Variants in NDUFA8 observed in about 807,000 individuals in gnomAD.
NDUFA8 encodes the protein NADH:ubiquinone oxidoreductase subunit A8.
NDUFA8 carries 16 observed loss-of-function variants against 20.9 expected under a neutral mutation model. The ratio of observed to expected loss-of-function variants is 0.77; its 90% CI spans 0.52 to 1.16. The LOEUF is 1.16. Ranked by LOEUF, NDUFA8 falls within the 50% of genes most tolerant of loss-of-function variation. The pLI is 0.00. For synonymous variants in NDUFA8, 70 were observed against 76.1 expected, an observed-to-expected ratio of 0.92 and a Z score of 0.41; for missense variants, 202 against 216.4, an observed-to-expected ratio of 0.93 and a Z score of 0.42.
At chr9:122,141,380 G>A (rs1303490083), downstream of NDUFA8, among the ~76,000 whole-genome samples, 1 of 152,162 alleles carries the variant, frequency 6.6e-6, no homozygotes, top group Admixed American at 6.5e-5. Flanking sequence ...AATAATCCAG[G>A]CAAGGGGAAC....
Position 122,144,196 on chromosome 9 carries a change from G to A in NDUFA8, c.*45C>T. The A allele has an allele frequency of 6.2e-7, 1 of 1,612,590 alleles. No homozygotes were observed. Among genetic ancestry groups the A allele is most frequent in the Non-Finnish European group, 8.5e-7 (1 of 1,179,938 alleles). On this transcript the variant is annotated 3_prime_UTR_variant, in exon 4 of 4. Transcript: ENST00000373768. ...GCAAACCGCATGGGCGTTTTCATCA[G>A]TCGTTGTCTGAGCACATGACCGAGT... is the stretch of plus-strand genomic sequence containing the variant.
At chr9:122,133,903 A>AC in the NDUFA8 span, among the ~76,000 whole-genome samples, 2 of 152,084 alleles carry the variant, frequency 1.3e-5, no homozygotes, top group African/African-American at 4.8e-5. Context: ...GCCTGGTCCT[A>AC]CCCCATCCCT....
At chr9:122,149,674 T>C (rs1182898315) in intron 2 of NDUFA8, among the ~76,000 whole-genome samples, 1 of 152,206 alleles carries the variant, frequency 6.6e-6, no homozygotes, top group Non-Finnish European at 1.5e-5. Context: ...AAAAATTGTT[T>C]AGGCTGGATG....
At chr9:122,135,248 G>A in the NDUFA8 span, among the ~76,000 whole-genome samples, 29,193 of 152,196 alleles carry the variant, frequency 0.19, 4,877 homozygotes, top group African/African-American at 0.46. Flanking sequence ...GTTGGTGCAA[G>A]GCAATGTATA....
At chr9:122,141,524 GTTAT>G (rs376116265), downstream of NDUFA8, among the ~76,000 whole-genome samples, 8 of 152,306 alleles carry the variant, frequency 5.3e-5, no homozygotes, top group Admixed American at 2.0e-4. Flanking sequence ...TGCATCTCAG[GTTAT>G]TTGACACTGG....
intron 1 of NDUFA8, 57 bp downstream of exon 1, chr9:122,159,570 C>A (rs1829147293): frequency 6.2e-7 from 1 of 1,607,136 alleles, no homozygotes; most frequent in Non-Finnish European, 8.5e-7. Context: ...GGGCTAGGCC[C>A]AGGCCCGAGA....
At chr9:122,159,236 T>C (rs919011423) in intron 1 of NDUFA8, among the ~76,000 whole-genome samples, 1 of 152,120 alleles carries the variant, frequency 6.6e-6, no homozygotes, top group Non-Finnish European at 1.5e-5. Context: ...CACTTTAAGG[T>C]AGATGACCGT....
intron 1 of NDUFA8, among the ~76,000 whole-genome samples, chr9:122,155,655 C>T (rs1829067022): frequency 6.6e-6 from 1 of 152,134 alleles, no homozygotes; most frequent in African/African-American, 2.4e-5. Flanking sequence ...CACACATTTG[C>T]TTGTTTTATT....
chr9:122,146,264 C>T (rs1437461234), intron 3 of NDUFA8, among the ~76,000 whole-genome samples: 1 of 152,006 alleles, frequency 6.6e-6, no homozygotes, highest in African/African-American at 2.4e-5. Context: ...GGCACCTGAT[C>T]GAGAAATACA....
downstream of NDUFA8, among the ~76,000 whole-genome samples, chr9:122,140,544 A>G (rs1828804517): frequency 6.6e-6 from 1 of 152,216 alleles, no homozygotes; most frequent in South Asian, 2.1e-4. Flanking sequence ...CTGGAAAGGT[A>G]AACTTCGTGT....
At chr9:122,136,553 T>C in the NDUFA8 span, among the ~76,000 whole-genome samples, 1 of 151,574 alleles carries the variant, frequency 6.6e-6, no homozygotes, top group Non-Finnish European at 1.5e-5. Context: ...TTCATAGCGT[T>C]CGTAGATTTT....
In NDUFA8 at chr9:122,155,359, G is replaced by A. The variant is rs150197140; in HGVS notation, c.52-2951C>T. Among the ~76,000 whole-genome samples the A allele has an allele frequency of 3.4e-3, 522 of 152,344 alleles. 4 individuals are homozygous for A. The highest frequency in any genetic ancestry group is 0.01 in the African/African-American group (422 of 41,578). On this transcript the variant is annotated intron_variant, in intron 1 of 3. Transcript: ENST00000373768. The stretch of plus-strand genomic sequence containing the variant: ...CTCCCAAAGTGCTGGGATTATAGGC[G>A]TGGGCCACCACGCCCAGCTGTAATT...
At chr9:122,159,011 T>C (rs550903647) in intron 1 of NDUFA8, among the ~76,000 whole-genome samples, 2 of 152,244 alleles carry the variant, frequency 1.3e-5, no homozygotes, top group East Asian at 3.9e-4. Context: ...GTCTCCCTAC[T>C]GGATTGTAAA....
chr9:122,138,920 G>T, the NDUFA8 span, among the ~76,000 whole-genome samples: 1 of 151,786 alleles, frequency 6.6e-6, no homozygotes, highest in Non-Finnish European at 1.5e-5. Context: ...ACAGAGTGGG[G>T]CTCAACACGG....
the NDUFA8 span, among the ~76,000 whole-genome samples, chr9:122,135,596 T>A: frequency 1.6e-4 from 25 of 152,334 alleles, no homozygotes; most frequent in African/African-American, 5.1e-4. Flanking sequence ...GGGTTATTTA[T>A]TTATTTATTT....
chr9:122,158,912 T>C (rs527529478), intron 1 of NDUFA8, among the ~76,000 whole-genome samples: 39 of 152,014 alleles, frequency 2.6e-4, no homozygotes, highest in Non-Finnish European at 4.9e-4. Context: ...AAGGACTTGA[T>C]CATGTTAGCT....
At chr9:122,151,369 C>T (rs1471501094) in intron 2 of NDUFA8, among the ~76,000 whole-genome samples, 1 of 152,200 alleles carries the variant, frequency 6.6e-6, no homozygotes, top group Non-Finnish European at 1.5e-5. Context: ...TCCTGAAGCA[C>T]AAGTGATGCA....
chr9:122,151,627 G>C (rs1467853935), intron 2 of NDUFA8, among the ~76,000 whole-genome samples: 1 of 152,232 alleles, frequency 6.6e-6, no homozygotes, highest in African/African-American at 2.4e-5. Context: ...AAGTAGTTGT[G>C]AAATTATTTA....
At chr9:122,152,925 C>T (rs551591731) in intron 1 of NDUFA8, among the ~76,000 whole-genome samples, 1 of 152,050 alleles carries the variant, frequency 6.6e-6, no homozygotes, top group East Asian at 1.9e-4. Flanking sequence ...GGAGAGGAAC[C>T]AACTCTGGAG....
Sources: allele counts gnomAD v4.1 joint callset (sites outside exome capture counted in the v4.1 genomes callset), GRCh38; gene constraint gnomAD v4.1.1; transcripts MANE v1.5; gene names NCBI Gene and HGNC (gene_info 2026-07-23, HGNC 2026-07-21).